LRRC4C: variants seen among roughly 807,000 people sequenced by gnomAD.
LRRC4C encodes leucine-rich repeat-containing protein 4C.
In LRRC4C, 5 loss-of-function variants were observed where a neutral mutation model predicts 33.6. The observed-to-expected ratio is 0.15, with a 90% CI of 0.08 to 0.31. The LOEUF (loss-of-function observed/expected upper bound fraction) is 0.31, where lower values mean the gene tolerates loss of function less well. LRRC4C is among the 10% of genes least tolerant of loss of function. LRRC4C has a pLI of 1.00. For synonymous variants in LRRC4C, 329 were observed against 302.0 expected, an observed-to-expected ratio of 1.09 and a Z score of -0.93; for missense variants, 560 against 796.7, an observed-to-expected ratio of 0.70 and a Z score of 3.58.
intron 3 of LRRC4C, among the ~76,000 whole-genome samples, chr11:40,590,220 T>C (rs9666961): frequency 0.27 from 39,978 of 150,372 alleles, 5,380 homozygotes; most frequent in Middle Eastern, 0.36. Flanking sequence ...CGCTTCATTT[T>C]CTTCATTTCA....
chr11:41,408,747 TA>T (rs35914452), intron 1 of LRRC4C, among the ~76,000 whole-genome samples: 34,992 of 131,608 alleles, frequency 0.27, 4,731 homozygotes, highest in Middle Eastern at 0.32. Context: ...TATATTTTTG[TA>T]AAAAAAAAAA....
intron 1 of LRRC4C, among the ~76,000 whole-genome samples, chr11:41,086,491 A>G (rs966141517): frequency 6.6e-6 from 1 of 152,162 alleles, no homozygotes; most frequent in African/African-American, 2.4e-5. Context: ...TAAATATTTT[A>G]AGACCATATT....
In LRRC4C at chr11:40,858,029, A is replaced by AC. The variant is rs1305241185; in HGVS notation, c.-407+75605_-407+75606insG. On this transcript the variant is annotated intron_variant, in intron 2 of 6. Coordinates refer to ENST00000528697, the MANE Select transcript of LRRC4C (RefSeq NM_001258419.2). ...AGGGACAAGGAAAGGAAGGGAAGGG[A>AC]AGGGAAGGGAAGGGAAGGGAAGGGA... Among the ~76,000 whole-genome samples, 4 of 141,968 alleles carry AC rather than the reference A, an allele frequency of 2.8e-5. No individual in the cohort carries two copies. The East Asian group carries it at 6.0e-4, about 21-fold the overall frequency. 93.1% of individuals were successfully genotyped at this position (141,968 alleles called of 152,430 possible).
intron 1 of LRRC4C, among the ~76,000 whole-genome samples, chr11:41,383,854 A>G (rs1454891868): frequency 6.6e-6 from 1 of 151,888 alleles, no homozygotes; most frequent in Non-Finnish European, 1.5e-5. Flanking sequence ...GATTTAAGAC[A>G]TAAGAAAATA....
At chr11:41,097,942 C>T (rs10501249) in intron 1 of LRRC4C, among the ~76,000 whole-genome samples, 5,865 of 152,154 alleles carry the variant, frequency 0.039, 141 homozygotes, top group Middle Eastern at 0.071. Flanking sequence ...TTGTACCTCT[C>T]TAAACTAAAC....
chr11:41,081,086 G>T (rs1184190442), intron 1 of LRRC4C, among the ~76,000 whole-genome samples: 1 of 152,176 alleles, frequency 6.6e-6, no homozygotes, highest in Non-Finnish European at 1.5e-5. Context: ...TATTTGGAGA[G>T]TCATAGGAAA....
At chr11:40,249,577 T>C (rs376089790) in intron 4 of LRRC4C, among the ~76,000 whole-genome samples, 2 of 149,508 alleles carry the variant, frequency 1.3e-5, no homozygotes, top group East Asian at 1.9e-4. Flanking sequence ...CATATAATCA[T>C]ATATGTATAT....
chr11:41,211,377 C>T (rs984665177), intron 1 of LRRC4C, among the ~76,000 whole-genome samples: 8 of 152,066 alleles, frequency 5.3e-5, no homozygotes, highest in Middle Eastern at 3.4e-3. Flanking sequence ...ATGTGCACAA[C>T]TTGCAGGTTT....
chr11:40,478,758 A>G lies in LRRC4C; in HGVS notation c.-269-159037T>C, dbSNP rs554333823. ...TGGGCCAAAATAGGCTTCCCTGAAT[A>G]AAAGACTCCTTAAAATTGTTTTTTT... is the stretch of plus-strand genomic sequence containing the variant. On this transcript the variant is annotated intron_variant, in intron 3 of 6. Transcript: ENST00000528697. 2.6e-4 allele frequency among the ~76,000 whole-genome samples: 40 copies of G among 152,308 alleles called. No homozygotes were observed. In the South Asian group the frequency reaches 7.3e-3, roughly 28 times the overall value.
intron 3 of LRRC4C, among the ~76,000 whole-genome samples, chr11:40,455,541 T>C (rs1358261985): frequency 3.3e-5 from 5 of 152,216 alleles, no homozygotes; most frequent in African/African-American, 4.8e-5. Context: ...CTATTTCCCG[T>C]GTGCTTAATA....
At chr11:41,225,531 G>A (rs1417352678) in intron 1 of LRRC4C, among the ~76,000 whole-genome samples, 2 of 152,108 alleles carry the variant, frequency 1.3e-5, no homozygotes, top group African/African-American at 4.8e-5. Flanking sequence ...AGGCCCAATG[G>A]CTCACACCTG....
intron 1 of LRRC4C, among the ~76,000 whole-genome samples, chr11:41,170,589 T>C (rs1944930449): frequency 6.6e-6 from 1 of 152,158 alleles, no homozygotes; most frequent in African/African-American, 2.4e-5. Context: ...CCTTACACCT[T>C]ATACAAAAAT....
chr11:40,115,601 A>G lies in LRRC4C; in HGVS notation c.692T>C (p.Leu231Ser). 1 of 1,614,192 alleles carries G rather than the reference A, an allele frequency of 6.2e-7. No individual in the cohort carries two copies. The highest frequency in any genetic ancestry group is 8.5e-7 in the Non-Finnish European group (1 of 1,180,036). Residue 231 changes from leucine (L) to serine (S), a missense_variant, in exon 7 of 7, where the codon TTA (leucine) becomes TCA (serine). Leu to Ser is a moderately radical substitution (Grantham distance 145). Coordinates refer to ENST00000528697, the MANE Select transcript of LRRC4C (RefSeq NM_001258419.2). This position sits in a 1 kb window ranked among gnomAD's most constrained non-coding sequence, Gnocchi z 6.7. ...GAAAGAGCCAGGCCTGATGGCAGAT[A>G]AATGATTCCCAGAAAGATCCAGCTC... ...LDELDLSGNH[L>S]SAIRPGSFQG...
In LRRC4C at chr11:40,525,945, C is replaced by G. The variant is rs139653699; in HGVS notation, c.-270+122197G>C. 4.0e-3 allele frequency among the ~76,000 whole-genome samples: 601 copies of G among 152,128 alleles called. 2 individuals are homozygous for G. Among genetic ancestry groups the G allele is most frequent in the Non-Finnish European group, 6.6e-3 (450 of 67,982 alleles). On this transcript the variant is annotated intron_variant, in intron 3 of 6. Transcript: ENST00000528697. ...GAACAGATTCACACATATGTTATCACTTTATTCATAACAAAAAGGGATATT... is the reference window on the plus strand; with the variant it reads ...GAACAGATTCACACATATGTTATCAGTTTATTCATAACAAAAAGGGATATT...
intron 5 of LRRC4C, among the ~76,000 whole-genome samples, chr11:40,219,304 A>G (rs923804022): frequency 6.6e-6 from 1 of 152,122 alleles, no homozygotes; most frequent in African/African-American, 2.4e-5. Context: ...CACTGAGGAA[A>G]TTTCTATGGG....
chr11:40,150,563 A>T (rs1490731705), intron 5 of LRRC4C, among the ~76,000 whole-genome samples: 1 of 152,158 alleles, frequency 6.6e-6, no homozygotes, highest in Non-Finnish European at 1.5e-5. Flanking sequence ...CAGCCTCTTG[A>T]GTAGTTGGGA....
At chr11:40,173,413 G>T (rs1397357851) in intron 5 of LRRC4C, among the ~76,000 whole-genome samples, 3 of 152,190 alleles carry the variant, frequency 2.0e-5, no homozygotes, top group African/African-American at 7.2e-5. Context: ...GCTAGACAGA[G>T]AAATTGATGC....
At position 40,535,031 on chromosome 11, in the gene LRRC4C, C is replaced by T. The variant is rs74517780; in HGVS notation, c.-270+113111G>A. Among the ~76,000 whole-genome samples the T allele has an allele frequency of 2.8e-4, 42 of 152,104 alleles. No individual in the cohort carries two copies. The East Asian group carries it at 7.7e-3, about 28-fold the overall frequency. Reference sequence around the variant, plus strand: ...ATATAGTATGCAGTATTCTTACAAACTAATTGAAAGGACAAATGGTAGAGG... The same window carrying T: ...ATATAGTATGCAGTATTCTTACAAATTAATTGAAAGGACAAATGGTAGAGG... On this transcript the variant is annotated intron_variant, in intron 3 of 6. Transcript: ENST00000528697.
chr11:41,075,576 G>A (rs1193082027), intron 1 of LRRC4C, among the ~76,000 whole-genome samples: 3 of 151,912 alleles, frequency 2.0e-5, no homozygotes, highest in Non-Finnish European at 4.4e-5. Context: ...AAACCCATTA[G>A]CACATTAATA....
Sources: allele counts gnomAD v4.1 joint callset (sites outside exome capture counted in the v4.1 genomes callset), GRCh38; gene constraint gnomAD v4.1.1; non-coding constraint Gnocchi (gnomAD v3.1); transcripts MANE v1.5; gene names NCBI Gene and HGNC (gene_info 2026-07-23, HGNC 2026-07-21).